Variants in COL11A1 observed in about 807,000 individuals in gnomAD.
COL11A1 encodes the protein collagen type XI alpha 1 chain.
Under a neutral mutation model 265.2 loss-of-function variants are expected in COL11A1, and 74 were observed. The observed-to-expected ratio is 0.28, with a 90% CI of 0.23 to 0.34. COL11A1 has a LOEUF of 0.34. COL11A1 is among the 10% of genes least tolerant of loss of function. The probability of loss-of-function intolerance (pLI) is 1.00; values close to 1 mark genes in which losing one functional copy is unlikely to be tolerated. For missense variants in COL11A1, 2,165 were observed against 2,263.6 expected (o/e 0.96, Z 0.88); for synonymous variants, 816 against 727.6 (o/e 1.12, Z -1.96).
In COL11A1 at chr1:103,021,729, C is replaced by A. The variant is rs541227218; in HGVS notation, c.1286G>T (p.Gly429Val). Residue 429 changes from glycine to valine, a missense_variant, in exon 9 of 67, where the codon GGA (glycine) becomes GTA (valine). Coordinates refer to ENST00000370096, the MANE Select transcript of COL11A1 (RefSeq NM_001854.4). ...TACAGGCTCAACCACTGCTGGTTCTCCTTTCTGTCCTTTCTCTCCATATGC... is the reference window on the plus strand; with the variant it reads ...TACAGGCTCAACCACTGCTGGTTCTACTTTCTGTCCTTTCTCTCCATATGC... Reference protein sequence around the residue: ...HGAYGEKGQKGEPAVVEPGML... With the variant: ...HGAYGEKGQKVEPAVVEPGML... 6.2e-7 allele frequency: 1 copy of A among 1,612,918 alleles called. No homozygotes were observed. The highest frequency in any genetic ancestry group is 1.1e-5 in the South Asian group (1 of 91,060).
At chr1:103,093,927 C>G (rs373512588) in intron 1 of COL11A1, among the ~76,000 whole-genome samples, 3 of 151,990 alleles carry the variant, frequency 2.0e-5, no homozygotes, top group East Asian at 3.9e-4. Flanking sequence ...TGGAAGAGAA[C>G]GCTGATAGAA....
intron 4 of COL11A1, among the ~76,000 whole-genome samples, chr1:103,065,744 C>T (rs1671088901): frequency 6.9e-6 from 1 of 144,788 alleles, no homozygotes; most frequent in Non-Finnish European, 1.6e-5. Flanking sequence ...AAAGTAGAAA[C>T]TTTAAAGAGT....
intron 28 of COL11A1, among the ~76,000 whole-genome samples, chr1:102,990,101 C>T (rs1198815119): frequency 6.6e-6 from 1 of 152,016 alleles, no homozygotes. Flanking sequence ...GGGAGGATTG[C>T]TTAAGCCCAG....
In COL11A1 at chr1:102,934,521, C is replaced by T. The variant is rs755406698; in HGVS notation, c.3528G>A (p.Gln1176=). The change falls in exon 46 of 67, where the codon CAG becomes CAA. Residue 1176 remains glutamine (Q), a synonymous_variant. Coordinates refer to ENST00000370096, the MANE Select transcript of COL11A1 (RefSeq NM_001854.4). The part of the protein sequence containing the change: ...GDGEPGPRGQ[Q]GMFGQKGDEG... Reference sequence around the variant, plus strand: ...CATCACCTTTTTGCCCAAACATCCCCTGCTGTCCTCTAGGACCTGGTTCAC... The same window carrying T: ...CATCACCTTTTTGCCCAAACATCCCTTGCTGTCCTCTAGGACCTGGTTCAC... The T allele has an allele frequency of 2.5e-6, 4 of 1,614,148 alleles. No individual in the cohort carries two copies. The highest frequency in any genetic ancestry group is 2.5e-6 in the Non-Finnish European group (3 of 1,180,020).
chr1:103,042,976 G>T (rs1434826870), intron 4 of COL11A1, among the ~76,000 whole-genome samples: 1 of 145,116 alleles, frequency 6.9e-6, no homozygotes, highest in African/African-American at 2.5e-5. Flanking sequence ...TCATATATGT[G>T]AAATATATAT....
chr1:103,025,126 G>A (rs573856726), intron 7 of COL11A1, among the ~76,000 whole-genome samples: 36 of 152,240 alleles, frequency 2.4e-4, no homozygotes, highest in South Asian at 1.9e-3. Flanking sequence ...ATTCATCAGA[G>A]GGAGTAAAAT....
chr1:102,889,596 T>A (rs769428389), intron 58 of COL11A1, 34 bp from the exon 59 acceptor site: 43 of 1,409,692 alleles, frequency 3.1e-5, no homozygotes, highest in Non-Finnish European at 4.3e-5. Flanking sequence ...TAATAACATG[T>A]ACATTACTAT....
At chr1:103,078,591 T>G in intron 3 of COL11A1, 67 bp downstream of exon 3, 2 of 1,457,386 alleles carry the variant, frequency 1.4e-6, no homozygotes, top group Non-Finnish European at 1.9e-6. Context: ...CATAAATATT[T>G]GTTAAGTGAC....
Position 103,005,951 on chromosome 1 carries a change from G to A in COL11A1, c.1792-60C>T. Reference sequence around the variant, plus strand: ...ATCATCACAATTCCAGTCTAGATATGTACTGCAATTTAAATGCGAAATATT... The same window carrying A: ...ATCATCACAATTCCAGTCTAGATATATACTGCAATTTAAATGCGAAATATT... On this transcript the variant is annotated intron_variant, in intron 17 of 66. Transcript: ENST00000370096. 6.2e-6 allele frequency: 10 copies of A among 1,611,732 alleles called. No homozygotes were observed. The South Asian group carries it at 9.9e-5, about 16-fold the overall frequency.
intron 30 of COL11A1, among the ~76,000 whole-genome samples, chr1:102,986,836 A>C (rs2615977): frequency 0.27 from 40,470 of 152,088 alleles, 5,522 homozygotes; most frequent in African/African-American, 0.32. Flanking sequence ...TGTCTCTCAA[A>C]CAATGAATAT....
intron 2 of COL11A1, among the ~76,000 whole-genome samples, chr1:103,082,158 G>A (rs971498075): frequency 6.6e-6 from 1 of 151,834 alleles, no homozygotes; most frequent in Non-Finnish European, 1.5e-5. Flanking sequence ...TATTCAGCAA[G>A]TACTTTTCAG....
chr1:102,955,527 G>GA (rs1306669595), intron 41 of COL11A1, among the ~76,000 whole-genome samples: 2 of 152,040 alleles, frequency 1.3e-5, no homozygotes, highest in Non-Finnish European at 2.9e-5. Context: ...ATATACATGT[G>GA]ATTGTAAAGA....
At chr1:103,063,038 A>G (rs1258843589) in intron 4 of COL11A1, among the ~76,000 whole-genome samples, 3 of 151,988 alleles carry the variant, frequency 2.0e-5, no homozygotes, top group Admixed American at 2.0e-4. Context: ...TATATGAAGA[A>G]AACTACAAAA....
chr1:102,924,965 TG>T (rs548136325), intron 46 of COL11A1, among the ~76,000 whole-genome samples: 43 of 151,988 alleles, frequency 2.8e-4, no homozygotes, highest in African/African-American at 1.0e-3. Context: ...CAGTTTTTCA[TG>T]TTTTTAGTGT....
intron 63 of COL11A1, among the ~76,000 whole-genome samples, chr1:102,885,358 G>A (rs1650838594): frequency 1.3e-5 from 2 of 151,816 alleles, no homozygotes; most frequent in Admixed American, 6.6e-5. Context: ...TGTTTTTCAT[G>A]CTGCCACTTC....
intron 4 of COL11A1, among the ~76,000 whole-genome samples, chr1:103,066,734 A>G (rs1671183159): frequency 6.6e-6 from 1 of 151,884 alleles, no homozygotes; most frequent in African/African-American, 2.4e-5. Context: ...GACACCAATT[A>G]AAAGGCAGAA....
At chr1:103,060,891 A>G (rs61816515) in intron 4 of COL11A1, among the ~76,000 whole-genome samples, 22,126 of 152,086 alleles carry the variant, frequency 0.15, 1,741 homozygotes, top group Middle Eastern at 0.16. Context: ...ATATATGGTG[A>G]ATATTATTCT....
chr1:102,987,044 T>C (rs1433486623), intron 30 of COL11A1, among the ~76,000 whole-genome samples: 1 of 152,136 alleles, frequency 6.6e-6, no homozygotes, highest in Non-Finnish European at 1.5e-5. Flanking sequence ...ATTGATTCTT[T>C]CATCCTTTAA....
intron 21 of COL11A1, among the ~76,000 whole-genome samples, 155 bp from the exon 22 acceptor site, chr1:103,002,946 C>CT (rs1324755666): frequency 6.6e-6 from 1 of 152,162 alleles, no homozygotes; most frequent in Non-Finnish European, 1.5e-5. Flanking sequence ...AAGACCTATA[C>CT]TTTCTTTTCC....
Sources: gnomAD v4.1 joint callset for allele counts (sites outside exome capture counted in the v4.1 genomes callset) on GRCh38, gnomAD v4.1.1 for gene constraint, MANE v1.5 for transcripts, NCBI Gene and HGNC (gene_info 2026-07-23, HGNC 2026-07-21) for gene names.